PADI1: variants seen among roughly 807,000 people sequenced by gnomAD.
PADI1 encodes the protein peptidyl arginine deiminase 1.
Under a neutral mutation model 74.8 loss-of-function variants are expected in PADI1, and 65 were observed. The ratio of observed to expected loss-of-function variants is 0.87; its 90% CI spans 0.71 to 1.07. The LOEUF (loss-of-function observed/expected upper bound fraction) is 1.07, where lower values mean the gene tolerates loss of function less well. Among genes scored for constraint, PADI1 ranks in the 50% least tolerant of loss-of-function variants. The pLI is 0.00. For missense variants in PADI1, 943 were observed against 854.0 expected, an observed-to-expected ratio of 1.10 and a Z score of -1.30; for synonymous variants, 371 against 336.2, an observed-to-expected ratio of 1.10 and a Z score of -1.13.
chr1:17,225,863 G>C lies in PADI1; in HGVS notation c.461G>C (p.Cys154Ser). 1 of 1,614,148 alleles carries C rather than the reference G, an allele frequency of 6.2e-7. No individual in the cohort carries two copies. The highest frequency in any genetic ancestry group is 8.5e-7 in the Non-Finnish European group (1 of 1,180,012). ...EGYGAILLVN[C>S]DRDNHRSAEP... ...TATGGGGCTATCTTGCTGGTGAACT[G>C]TGACCGGGACAATCACAGGTCCGCA... Residue 154 changes from cysteine (C) to serine (S), a missense_variant, in exon 5 of 16, where the codon TGT becomes TCT. Physicochemically the swap from Cys to Ser is moderately radical, Grantham distance 112. Coordinates refer to ENST00000375471, the MANE Select transcript of PADI1 (RefSeq NM_013358.3).
intron 2 of PADI1, 59 bp downstream of exon 2, chr1:17,222,529 G>C: frequency 4.4e-6 from 6 of 1,354,712 alleles, no homozygotes; most frequent in East Asian, 4.6e-5. Context: ...TCCAAGGTAA[G>C]AGCCCCACAT....
chr1:17,222,658 C>T (rs2072191056), intron 2 of PADI1, among the ~76,000 whole-genome samples, 188 bp downstream of exon 2: 1 of 152,186 alleles, frequency 6.6e-6, no homozygotes, highest in Non-Finnish European at 1.5e-5. Context: ...AAACCTCCAC[C>T]ACCACTCCAG....
rs1557442754 is a variant in PADI1 at position 17,205,294 on chromosome 1, A to T, written c.77A>T (p.His26Leu). ...HAVCVVGVEAHVDIHSDVPKG... is the reference protein window; with the variant it reads ...HAVCVVGVEALVDIHSDVPKG... The stretch of plus-strand genomic sequence containing the variant: ...GTGTGTGTGGTGGGAGTCGAGGCAC[A>T]TGTGGACATTCACAGGTAAGAGCTG... Residue 26 changes from histidine to leucine, a missense_variant, in exon 1 of 16, where the codon CAT becomes CTT. His to Leu is a moderately conservative substitution (Grantham distance 99). Transcript: ENST00000375471. The T allele has an allele frequency of 1.4e-5, 22 of 1,613,820 alleles. No homozygotes were observed. The East Asian group carries it at 4.7e-4, about 34-fold the overall frequency.
intron 1 of PADI1, among the ~76,000 whole-genome samples, chr1:17,219,883 A>G (rs1388239107): frequency 6.6e-6 from 1 of 152,082 alleles, no homozygotes; most frequent in Non-Finnish European, 1.5e-5. Context: ...TATTGGGGGC[A>G]GGCTTCTTTT....
intron 11 of PADI1, among the ~76,000 whole-genome samples, chr1:17,233,341 C>T (rs1166807649): frequency 3.9e-5 from 6 of 152,192 alleles, no homozygotes; most frequent in African/African-American, 7.2e-5. Context: ...GGAATAGACT[C>T]ATTGACTTCT....
chr1:17,217,026 GGAGGGGAGGAGAGGAGGA>G (rs969669341), intron 1 of PADI1, among the ~76,000 whole-genome samples: 18 of 141,442 alleles, frequency 1.3e-4, no homozygotes, highest in Non-Finnish European at 2.4e-4. Flanking sequence ...GAGAGGGGAG[GGAGGGGAGGAGAGGAGGA>G]GAGGGGAGGG....
chr1:17,242,996 G>C (rs577969402), intron 15 of PADI1, among the ~76,000 whole-genome samples: 4 of 152,278 alleles, frequency 2.6e-5, no homozygotes, highest in Non-Finnish European at 5.9e-5. Context: ...CTTTATGTTG[G>C]TCCCTGCCAT....
chr1:17,208,617 C>A (rs115014953), intron 1 of PADI1, among the ~76,000 whole-genome samples: 2,507 of 148,200 alleles, frequency 0.017, 127 homozygotes, highest in African/African-American at 0.06. Flanking sequence ...AGAGGGCTAG[C>A]TCACCATCCT....
rs910481064 is a variant in PADI1, at chr1:17,230,438, C to T, written c.1054-134C>T. The stretch of plus-strand genomic sequence containing the variant: ...CTGGCTGGGGTCCTAAGAGGCCTCA[C>T]TTCTACCTCTGCCCCTCACCAGGTC... On this transcript the variant is annotated intron_variant, in intron 9 of 15. Transcript: ENST00000375471. 4.1e-6 allele frequency: 3 copies of T among 731,050 alleles called. No individual in the cohort carries two copies. In the African/African-American group the frequency reaches 5.3e-5, roughly 13 times the overall value. The allele number at this position is 731,050 out of a possible 1,614,324, so 45.3% of individuals were successfully genotyped here.
chr1:17,244,435 C>T lies in PADI1; in HGVS notation c.*192C>T, dbSNP rs375776462. 686 of 679,882 alleles carry T rather than the reference C, an allele frequency of 1.0e-3. 4 individuals carry two copies. In the African/African-American group the frequency reaches 0.011, roughly 11 times the overall value. The allele number at this position is 679,882 out of a possible 1,614,324, so 42.1% of individuals were successfully genotyped here. ...CGCCTCTGGAATGGCCTACCCAACCCGAGAAGAATGCACCTCATTCTTCCC... is the reference window on the plus strand; with the variant it reads ...CGCCTCTGGAATGGCCTACCCAACCTGAGAAGAATGCACCTCATTCTTCCC... On this transcript the variant is annotated 3_prime_UTR_variant, in exon 16 of 16. Transcript: ENST00000375471.
chr1:17,210,437 G>A (rs530069311), intron 1 of PADI1, among the ~76,000 whole-genome samples: 1 of 152,104 alleles, frequency 6.6e-6, no homozygotes, highest in South Asian at 2.1e-4. Context: ...TATCTCTCAG[G>A]GACATTCTGG....
At chr1:17,210,502 C>T (rs1021064322) in intron 1 of PADI1, among the ~76,000 whole-genome samples, 8 of 152,112 alleles carry the variant, frequency 5.3e-5, no homozygotes, top group Non-Finnish European at 1.2e-4. Flanking sequence ...AGCTGTCCCT[C>T]TTCTCCAGCC....
At chr1:17,219,718 G>T (rs1394753755) in intron 1 of PADI1, among the ~76,000 whole-genome samples, 1 of 152,096 alleles carries the variant, frequency 6.6e-6, no homozygotes, top group Non-Finnish European at 1.5e-5. Flanking sequence ...AAATGTCAAT[G>T]CAAAGCTGGG....
At chr1:17,225,426 C>G (rs952473858) in intron 4 of PADI1, among the ~76,000 whole-genome samples, 8 of 152,192 alleles carry the variant, frequency 5.3e-5, no homozygotes, top group African/African-American at 1.7e-4. Context: ...TGGGAAGGGT[C>G]TCCCAAAGAT....
rs145317780 is a variant in PADI1 at position 17,237,317 on chromosome 1, C to T, written c.1317C>T (p.Ser439=). 1.3e-5 allele frequency: 21 copies of T among 1,607,538 alleles called. No individual in the cohort carries two copies. Among genetic ancestry groups the T allele is most frequent in the East Asian group, 1.1e-4 (5 of 44,438 alleles). ...CCGCCCTCTCCCTCCTGGCCAGGTC[C>T]GGTGGGCGGCAGATGGCCAGGGCAG... ...RILIGSSFPK[S]GGRQMARAVR... The change falls in exon 12 of 16, where the codon TCC becomes TCT. Residue 439 remains serine, a synonymous_variant. Coordinates refer to ENST00000375471, the MANE Select transcript of PADI1 (RefSeq NM_013358.3).
chr1:17,232,220 A>G (rs1020501371), intron 10 of PADI1, among the ~76,000 whole-genome samples: 1 of 151,902 alleles, frequency 6.6e-6, no homozygotes, highest in African/African-American at 2.4e-5. Context: ...TGCTGGGATT[A>G]CAGGTGTGAG....
At chr1:17,217,744 T>C (rs1215061451) in intron 1 of PADI1, among the ~76,000 whole-genome samples, 1 of 152,212 alleles carries the variant, frequency 6.6e-6, no homozygotes, top group African/African-American at 2.4e-5. Context: ...GCTGGTAACT[T>C]GAAACTGGCT....
chr1:17,241,492 T>G, intron 15 of PADI1, among the ~76,000 whole-genome samples: 4 of 149,896 alleles, frequency 2.7e-5, no homozygotes, highest in Admixed American at 6.7e-5. Flanking sequence ...GGAATCAGGG[T>G]TGGAAGTGAA....
At position 17,230,650 on chromosome 1, in the gene PADI1, C is replaced by T. The variant is rs2072465368; in HGVS notation, c.1132C>T (p.Leu378=). 6.2e-7 allele frequency: 1 copy of T among 1,610,176 alleles called. No individual in the cohort carries two copies. Among genetic ancestry groups the T allele is most frequent in the Admixed American group, 1.7e-5 (1 of 59,886 alleles). Residue 378 remains leucine, a synonymous_variant, in exon 10 of 16, where the codon CTG becomes TTG. Transcript: ENST00000375471. ...CTTTGACTCCCCCAGGAACAGGGGC[C>T]TGAAAGATTTCCCCTATAAGAGGAT... ...VVFDSPRNRG[L]KDFPYKRILG... is the part of the protein sequence containing the mutation.
Sources: allele counts gnomAD v4.1 joint callset (sites outside exome capture counted in the v4.1 genomes callset), GRCh38; gene constraint gnomAD v4.1.1; transcripts MANE v1.5; gene names NCBI Gene and HGNC (gene_info 2026-07-23, HGNC 2026-07-21).